EPHB2: variants seen among roughly 807,000 people sequenced by gnomAD.
EPHB2 encodes the protein EPH receptor B2, also known as ephrin type-B receptor 2.
EPHB2 carries 18 observed loss-of-function variants against 96.4 expected under a neutral mutation model. That is an observed-to-expected ratio of 0.19 (90% CI 0.13 to 0.28). The LOEUF is 0.28. Ranked by LOEUF, EPHB2 falls within the 10% of genes least tolerant of loss-of-function variation. EPHB2 has a pLI of 1.00. For missense variants in EPHB2, 989 were observed against 1,355.4 expected (o/e 0.73, Z 4.25); for synonymous variants, 506 against 534.1 (o/e 0.95, Z 0.72).
At chr1:22,801,727 C>G (rs1472434865) in intron 3 of EPHB2, among the ~76,000 whole-genome samples, 1 of 152,194 alleles carries the variant, frequency 6.6e-6, no homozygotes, top group African/African-American at 2.4e-5. Flanking sequence ...CTTGGGCTCT[C>G]CCATCCCATC....
intron 3 of EPHB2, among the ~76,000 whole-genome samples, chr1:22,801,030 C>G (rs1474758361): frequency 2.0e-5 from 3 of 152,210 alleles, no homozygotes; most frequent in Non-Finnish European, 2.9e-5. Flanking sequence ...TTGTCGTGCT[C>G]AGGTGGGCAC....
chr1:22,779,664 A>C (rs1158374630), intron 1 of EPHB2, among the ~76,000 whole-genome samples: 1 of 152,210 alleles, frequency 6.6e-6, no homozygotes, highest in Non-Finnish European at 1.5e-5. Context: ...AGGAGGCAAG[A>C]CACCTGCACT....
chr1:22,846,285 G>A lies in EPHB2; in HGVS notation c.812-16752G>A, dbSNP rs574728109. On this transcript the variant is annotated intron_variant, in intron 3 of 15. Transcript: ENST00000374630. The surrounding 1 kb of genome is among the most constrained non-coding windows in gnomAD (Gnocchi z 4.3). ...ATATAAAATAGTCGGGCATAGTGAC[G>A]TGCGCCTGTAATCCCAGCTACTAGG... Among the ~76,000 whole-genome samples the A allele has an allele frequency of 5.3e-5, 8 of 152,126 alleles. No homozygotes were observed. In the East Asian group the frequency reaches 9.7e-4, roughly 18 times the overall value.
chr1:22,838,098 C>A (rs548850941), intron 3 of EPHB2, among the ~76,000 whole-genome samples: 14 of 152,254 alleles, frequency 9.2e-5, no homozygotes, highest in African/African-American at 2.9e-4. Context: ...GGCAGATAAA[C>A]AGAGCCCGGG....
At chr1:22,882,928 C>T in intron 6 of EPHB2, 1 of 245,264 alleles carries the variant, frequency 4.1e-6, no homozygotes, top group Non-Finnish European at 8.1e-6. Context: ...CCTGCTAAAA[C>T]ACCCACTTTC....
intron 3 of EPHB2, among the ~76,000 whole-genome samples, chr1:22,793,198 TG>T (rs2148437022): frequency 6.6e-6 from 1 of 152,316 alleles, no homozygotes; most frequent in East Asian, 1.9e-4. Flanking sequence ...TGGGACAATT[TG>T]GGCTTCAGAA....
intron 3 of EPHB2, among the ~76,000 whole-genome samples, chr1:22,816,003 C>T (rs7536195): frequency 0.12 from 17,691 of 152,190 alleles, 1,689 homozygotes; most frequent in East Asian, 0.56. Context: ...TTACCATTCA[C>T]GTGCTGTGTC....
At chr1:22,744,237 G>A (rs964399684) in intron 1 of EPHB2, among the ~76,000 whole-genome samples, 2 of 151,780 alleles carry the variant, frequency 1.3e-5, no homozygotes, top group Admixed American at 6.6e-5. Context: ...CGCCTACCTC[G>A]TAGCCCAGTA....
chr1:22,866,122 C>T (rs1231513203), intron 5 of EPHB2, among the ~76,000 whole-genome samples: 1 of 152,176 alleles, frequency 6.6e-6, no homozygotes, highest in Non-Finnish European at 1.5e-5. Context: ...CTGAGGGCCA[C>T]ATGAGATTAT....
chr1:22,882,247 C>A, intron 5 of EPHB2, 112 bp from the exon 6 acceptor site: 1 of 1,553,674 alleles, frequency 6.4e-7, no homozygotes, highest in Non-Finnish European at 8.7e-7. Context: ...AGCCAGATGC[C>A]CTTCCCTCTC....
chr1:22,715,947 C>G (rs1030778965), intron 1 of EPHB2, among the ~76,000 whole-genome samples: 5 of 152,248 alleles, frequency 3.3e-5, no homozygotes, highest in Middle Eastern at 3.2e-3. Flanking sequence ...ATGCTGGTCT[C>G]AACCCCTCTA....
chr1:22,808,131 C>CAA (rs35957296), intron 3 of EPHB2, among the ~76,000 whole-genome samples: 149 of 141,404 alleles, frequency 1.1e-3, no homozygotes, highest in African/African-American at 3.4e-3. Flanking sequence ...AAGACTGTCA[C>CAA]AAAAAAAAAA....
chr1:22,884,670 G>C (rs1639167189), intron 6 of EPHB2, among the ~76,000 whole-genome samples: 1 of 150,508 alleles, frequency 6.6e-6, no homozygotes, highest in South Asian at 2.1e-4. Context: ...GCTGGATATG[G>C]ATGGGTAGAT....
intron 6 of EPHB2, among the ~76,000 whole-genome samples, chr1:22,891,889 AG>A (rs770957496): frequency 4.6e-5 from 7 of 151,746 alleles, no homozygotes; most frequent in Non-Finnish European, 1.0e-4. Flanking sequence ...TGACCTCCCA[AG>A]CTCAAGTGAT....
intron 5 of EPHB2, among the ~76,000 whole-genome samples, chr1:22,873,784 A>G (rs1638749542): frequency 6.6e-6 from 1 of 152,196 alleles, no homozygotes; most frequent in African/African-American, 2.4e-5. Context: ...AAGGAGGGTG[A>G]GAAGGGTAGG....
intron 4 of EPHB2, among the ~76,000 whole-genome samples, chr1:22,864,238 G>T (rs1638388838): frequency 1.3e-5 from 2 of 151,938 alleles, no homozygotes; most frequent in Admixed American, 1.3e-4. Flanking sequence ...GTAGAGACGG[G>T]GTTTCCTATG....
rs749253536 is a variant in EPHB2 at position 22,913,208 on chromosome 1, T to C, written c.2853-254T>C. 4 of 561,546 alleles carry C rather than the reference T, an allele frequency of 7.1e-6. No homozygotes were observed. Among genetic ancestry groups the C allele is most frequent in the Non-Finnish European group, 1.3e-5 (4 of 312,730 alleles). The allele number at this position is 561,546 out of a possible 1,614,324, so 34.8% of individuals were successfully genotyped here. A position where few individuals can be genotyped will look rare whatever the true frequency, so the allele number is the denominator to read the frequency against. ...ACTCTGTCTCGAAAAAGAAAGAAAATGTAAGCTGGCTTCCCCCTCCCAATA... is the reference window on the plus strand; with the variant it reads ...ACTCTGTCTCGAAAAAGAAAGAAAACGTAAGCTGGCTTCCCCCTCCCAATA... On this transcript the variant is annotated intron_variant, in intron 15 of 15. Transcript: ENST00000374630. The surrounding 1 kb of genome is among the most constrained non-coding windows in gnomAD (Gnocchi z 4.1).
intron 3 of EPHB2, among the ~76,000 whole-genome samples, chr1:22,800,981 G>A (rs541704590): frequency 1.3e-5 from 2 of 152,180 alleles, no homozygotes; most frequent in African/African-American, 2.4e-5. Context: ...CTCCTCCACC[G>A]GTTGTGCCTG....
chr1:22,821,939 C>T (rs531678185), intron 3 of EPHB2, among the ~76,000 whole-genome samples: 20 of 152,022 alleles, frequency 1.3e-4, no homozygotes, highest in Admixed American at 1.2e-3. Flanking sequence ...TATGAGGCTC[C>T]GGTGGTGGTA....
Sources: gnomAD v4.1 joint callset for allele counts (sites outside exome capture counted in the v4.1 genomes callset) on GRCh38, gnomAD v4.1.1 for gene constraint, Gnocchi (gnomAD v3.1) non-coding constraint, MANE v1.5 for transcripts, NCBI Gene and HGNC (gene_info 2026-07-23, HGNC 2026-07-21) for gene names.